Variants in UBAP2L observed in about 807,000 individuals in gnomAD.
UBAP2L encodes ubiquitin associated protein 2 like.
Under a neutral mutation model 130.6 loss-of-function variants are expected in UBAP2L, and 12 were observed. The ratio of observed to expected loss-of-function variants is 0.09; its 90% CI spans 0.06 to 0.15. The LOEUF (loss-of-function observed/expected upper bound fraction) is 0.15, where lower values mean the gene tolerates loss of function less well. Among genes scored for constraint, UBAP2L ranks in the 10% least tolerant of loss-of-function variants. The pLI is 1.00. For missense variants in UBAP2L, 965 were observed against 1,332.5 expected, an observed-to-expected ratio of 0.72 and a Z score of 4.29; for synonymous variants, 503 against 524.7, an observed-to-expected ratio of 0.96 and a Z score of 0.57.
At chr1:154,245,527 T>C (rs985463571) in intron 10 of UBAP2L, among the ~76,000 whole-genome samples, 2 of 152,176 alleles carry the variant, frequency 1.3e-5, no homozygotes, top group African/African-American at 4.8e-5. Context: ...GATTTTCTGT[T>C]TTAGGAATTG....
At chr1:154,271,093 C>A, downstream of UBAP2L, 1 of 738,336 alleles carries the variant, frequency 1.4e-6, no homozygotes, top group Non-Finnish European at 2.1e-6. Flanking sequence ...TGGAAAGAAC[C>A]ACCACAAATC....
chr1:154,235,881 TGA>T (rs1199439478), intron 6 of UBAP2L, among the ~76,000 whole-genome samples: 3 of 143,834 alleles, frequency 2.1e-5, no homozygotes, highest in Admixed American at 2.0e-4. Context: ...GTTATAGGTG[TGA>T]GAGACAGCAC....
At chr1:154,253,596 T>C (rs1678598340) in intron 14 of UBAP2L, among the ~76,000 whole-genome samples, 1 of 151,750 alleles carries the variant, frequency 6.6e-6, no homozygotes, top group African/African-American at 2.4e-5. Flanking sequence ...ATGGTCTTGA[T>C]CTCCTGACCT....
chr1:154,250,983 G>A, intron 12 of UBAP2L, 58 bp from the exon 13 acceptor site: 2 of 1,544,610 alleles, frequency 1.3e-6, no homozygotes, highest in South Asian at 1.2e-5. Flanking sequence ...CAGGACAATA[G>A]CATTTCCTTG....
chr1:154,225,814 T>C lies in UBAP2L; in HGVS notation c.90+601T>C, dbSNP rs1169341777. ...ATTTCTTAGACCTTCCACCTTGATA[T>C]CTCTCTCTTTTGTTTTTGAGACGGA... is the stretch of plus-strand genomic sequence containing the variant. On this transcript the variant is annotated intron_variant, in intron 2 of 26. Transcript: ENST00000428931. Among the ~76,000 whole-genome samples, 6 of 152,170 alleles carry C rather than the reference T, an allele frequency of 3.9e-5. No individual in the cohort carries two copies. In the East Asian group the frequency reaches 9.6e-4, roughly 24 times the overall value.
At chr1:154,249,218 C>T in intron 11 of UBAP2L, 21 bp from the exon 12 acceptor site, 12 of 1,612,768 alleles carry the variant, frequency 7.4e-6, no homozygotes, top group Non-Finnish European at 1.0e-5. Flanking sequence ...AGGTTTCTCT[C>T]ATCTCTTTGT....
At chr1:154,232,303 A>G (rs112811806) in intron 4 of UBAP2L, among the ~76,000 whole-genome samples, 4 of 151,676 alleles carry the variant, frequency 2.6e-5, no homozygotes, top group African/African-American at 9.7e-5. Context: ...CAGCATGGTG[A>G]CAAAGTGAGA....
intron 1 of UBAP2L, among the ~76,000 whole-genome samples, chr1:154,224,590 G>T (rs999904144): frequency 4.6e-5 from 7 of 152,184 alleles, no homozygotes; most frequent in Admixed American, 6.5e-5. Context: ...AAGCAATGGA[G>T]GTCACATGCA....
chr1:154,253,527 G>A (rs1017137561), intron 14 of UBAP2L, among the ~76,000 whole-genome samples: 3 of 151,600 alleles, frequency 2.0e-5, no homozygotes, highest in African/African-American at 7.3e-5. Flanking sequence ...GACTACAGGT[G>A]CCCGCCACCA....
chr1:154,252,956 T>C (rs1034001348), intron 14 of UBAP2L, among the ~76,000 whole-genome samples: 1 of 152,206 alleles, frequency 6.6e-6, no homozygotes, highest in Non-Finnish European at 1.5e-5. Flanking sequence ...GTCCATGTTA[T>C]AATGTATAGA....
At chr1:154,220,576 G>C (rs1665547200), upstream of UBAP2L, 2 of 671,144 alleles carry the variant, frequency 3.0e-6, no homozygotes, top group Admixed American at 2.7e-5. Flanking sequence ...ACAGGCAGGA[G>C]AGCTGGGAAA....
chr1:154,227,068 C>G (rs1042475565), intron 2 of UBAP2L, among the ~76,000 whole-genome samples: 7 of 152,194 alleles, frequency 4.6e-5, no homozygotes, highest in African/African-American at 1.4e-4. Flanking sequence ...GGTGATCTGT[C>G]TGCCTTGGGC....
chr1:154,230,799 T>C (rs1669591760), intron 4 of UBAP2L, among the ~76,000 whole-genome samples: 1 of 152,204 alleles, frequency 6.6e-6, no homozygotes, highest in African/African-American at 2.4e-5. Flanking sequence ...TGGATGTATT[T>C]GGGTGGGTGA....
chr1:154,234,457 C>G, intron 4 of UBAP2L, 134 bp from the exon 5 acceptor site: 1 of 828,148 alleles, frequency 1.2e-6, no homozygotes, highest in South Asian at 1.7e-5. Flanking sequence ...GAAGTAAAAG[C>G]AAACTAATGG....
chr1:154,271,221 G>GAA, downstream of UBAP2L: 1 of 327,450 alleles, frequency 3.1e-6, no homozygotes. Flanking sequence ...CCATTTCAAA[G>GAA]AAAAAAAATG....
chr1:154,251,880 T>C (rs1342195299), intron 14 of UBAP2L, among the ~76,000 whole-genome samples: 5 of 152,182 alleles, frequency 3.3e-5, no homozygotes, highest in Non-Finnish European at 7.3e-5. Context: ...CTGACACTTA[T>C]AATCCCAGCA....
At chr1:154,241,897 G>A in intron 9 of UBAP2L, 1 of 359,232 alleles carries the variant, frequency 2.8e-6, no homozygotes, top group Non-Finnish European at 3.9e-6. Context: ...TTGAGTAACA[G>A]CTGCTGGTGG....
Position 154,249,480 on chromosome 1 carries a change from C to T in UBAP2L, c.1213+43C>T, listed in dbSNP as rs762161264. 6 of 1,609,634 alleles carry T rather than the reference C, an allele frequency of 3.7e-6. No homozygotes were observed. In the South Asian group the frequency reaches 6.6e-5, roughly 18 times the overall value. ...GACTTGAATCTTTAAAGCATTGGAGCATTACTGTCAAGAGGCTAGCAGGGG... is the reference window on the plus strand; with the variant it reads ...GACTTGAATCTTTAAAGCATTGGAGTATTACTGTCAAGAGGCTAGCAGGGG... On this transcript the variant is annotated intron_variant, in intron 12 of 26. Transcript: ENST00000428931.
rs532703042 is a variant in UBAP2L at position 154,229,771 on chromosome 1, T to C, written c.279+1046T>C. Among the ~76,000 whole-genome samples, 38 of 152,344 alleles carry C rather than the reference T, an allele frequency of 2.5e-4. No individual in the cohort carries two copies. In the South Asian group the frequency reaches 5.6e-3, roughly 22 times the overall value. On this transcript the variant is annotated intron_variant, in intron 4 of 26. Coordinates refer to ENST00000428931, the MANE Select transcript of UBAP2L (RefSeq NM_014847.4). ...GAGCCACCGCACCTGGCCCAGTGTATTATTTTGAAATCATTTTCATTTATT... is the reference window on the plus strand; with the variant it reads ...GAGCCACCGCACCTGGCCCAGTGTACTATTTTGAAATCATTTTCATTTATT...
Sources: allele counts gnomAD v4.1 joint callset (sites outside exome capture counted in the v4.1 genomes callset), GRCh38; gene constraint gnomAD v4.1.1; transcripts MANE v1.5; gene names NCBI Gene and HGNC (gene_info 2026-07-23, HGNC 2026-07-21).